Variants in TRPM7 observed in about 807,000 individuals in gnomAD.
The protein encoded by TRPM7 is transient receptor potential cation channel subfamily M member 7.
TRPM7 carries 134 observed loss-of-function variants against 229.7 expected under a neutral mutation model. That is an observed-to-expected ratio of 0.58 (90% confidence interval 0.51 to 0.67). The LOEUF is 0.67. Among genes scored for constraint, TRPM7 ranks in the 30% least tolerant of loss-of-function variants. The probability of loss-of-function intolerance (pLI) is 0.00; values close to 1 mark genes in which losing one functional copy is unlikely to be tolerated. For missense variants in TRPM7, 1,901 were observed against 2,210.0 expected (o/e 0.86, Z 2.80); for synonymous variants, 699 against 715.2 (o/e 0.98, Z 0.36).
intron 13 of TRPM7, among the ~76,000 whole-genome samples, chr15:50,617,775 C>G (rs2060269223): frequency 6.6e-6 from 1 of 151,788 alleles, no homozygotes; most frequent in Non-Finnish European, 1.5e-5. Context: ...GCCCCCCACA[C>G]CCCCACCAAT....
chr15:50,680,581 A>C lies in TRPM7; in HGVS notation c.3+5950T>G, dbSNP rs561044605. Among the ~76,000 whole-genome samples, 157 of 152,080 alleles carry C rather than the reference A, an allele frequency of 1.0e-3. 1 individual carries two copies. Among genetic ancestry groups the C allele is most frequent in the Non-Finnish European group, 1.6e-3 (107 of 67,992 alleles). The stretch of plus-strand genomic sequence containing the variant: ...GAGACACTTGTCTCAAAAAAAAAAA[A>C]ACAAAAACCAGACAACTGAGTTGTA... On this transcript the variant is annotated intron_variant, in intron 1 of 38. Coordinates refer to ENST00000646667, the MANE Select transcript of TRPM7 (RefSeq NM_017672.6).
rs187048286 is a variant in TRPM7, at chr15:50,568,882, C to T, written c.5467+1005G>A. On this transcript the variant is annotated intron_variant, in intron 38 of 38. Transcript: ENST00000646667. ...CCTGTAGTCCCAGCTACTTGGGAGG[C>T]TGAGGTGGGAGGATCACTTGAGCCT... is the stretch of plus-strand genomic sequence containing the variant. Among the ~76,000 whole-genome samples, 1,122 of 151,888 alleles carry T rather than the reference C, an allele frequency of 7.4e-3. 15 individuals carry two copies. The highest frequency in any genetic ancestry group is 0.026 in the African/African-American group (1,060 of 41,440).
At chr15:50,567,118 T>G (rs1336683459) in intron 38 of TRPM7, among the ~76,000 whole-genome samples, 1 of 152,046 alleles carries the variant, frequency 6.6e-6, no homozygotes, top group Non-Finnish European at 1.5e-5. Flanking sequence ...TAATCAACAG[T>G]CCTATCTCTA....
intron 1 of TRPM7, among the ~76,000 whole-genome samples, chr15:50,677,592 A>T (rs1420486538): frequency 6.6e-6 from 1 of 151,976 alleles, no homozygotes; most frequent in South Asian, 2.1e-4. Context: ...CACAAAAATT[A>T]GCCGGGTGTG....
intron 3 of TRPM7, among the ~76,000 whole-genome samples, chr15:50,650,419 G>C (rs946676834): frequency 4.6e-5 from 7 of 151,950 alleles, no homozygotes; most frequent in African/African-American, 1.7e-4. Context: ...GACAGACCAG[G>C]CACGGTGGCT....
chr15:50,649,596 G>A (rs1047689455), intron 3 of TRPM7, among the ~76,000 whole-genome samples: 3 of 152,198 alleles, frequency 2.0e-5, no homozygotes, highest in East Asian at 1.9e-4. Context: ...ATGATTCCAC[G>A]TATACAAAAT....
chr15:50,575,590 T>C (rs1473104923), intron 33 of TRPM7, 134 bp downstream of exon 33: 5 of 755,248 alleles, frequency 6.6e-6, no homozygotes, highest in African/African-American at 5.3e-5. Flanking sequence ...CTCACCCTTG[T>C]GGTAGTCAGA....
chr15:50,560,583 C>T lies in TRPM7; in HGVS notation c.*1095G>A, dbSNP rs2053273098. On this transcript the variant is annotated 3_prime_UTR_variant, in exon 39 of 39. Coordinates refer to ENST00000646667, the MANE Select transcript of TRPM7 (RefSeq NM_017672.6). ...TAAAGCATAAAACTTAGATGAAAAG[C>T]TTTTCTTGTTATTGTTGAATATTCA... The T allele has an allele frequency of 6.6e-6, 1 of 152,070 alleles. No individual in the cohort carries two copies. The highest frequency in any genetic ancestry group is 2.1e-4 in the South Asian group (1 of 4,796). The allele number at this position is 152,070 out of a possible 1,614,324, so 9.4% of individuals were successfully genotyped here. A position where few individuals can be genotyped will look rare whatever the true frequency, so the allele number is the denominator to read the frequency against.
At chr15:50,577,819 C>T (rs2054208519) in intron 31 of TRPM7, among the ~76,000 whole-genome samples, 1 of 151,956 alleles carries the variant, frequency 6.6e-6, no homozygotes, top group Non-Finnish European at 1.5e-5. Context: ...AAATGACCAC[C>T]AAATAGCAGA....
Position 50,604,854 on chromosome 15 carries a change from C to T in TRPM7, c.2988+12G>A, listed in dbSNP as rs756758024. ...TAAACCCACGAGTATTATCAAACAT[C>T]TGTCAACTTACCATTTTTCCAATCA... is the stretch of plus-strand genomic sequence containing the variant. On this transcript the variant is annotated intron_variant, in intron 21 of 38. Transcript: ENST00000646667. 6.5e-7 allele frequency: 1 copy of T among 1,550,218 alleles called. No homozygotes were observed. The highest frequency in any genetic ancestry group is 8.7e-7 in the Non-Finnish European group (1 of 1,149,070).
intron 12 of TRPM7, among the ~76,000 whole-genome samples, chr15:50,623,744 G>C (rs2060483082): frequency 1.3e-5 from 2 of 151,168 alleles, no homozygotes; most frequent in Admixed American, 6.6e-5. Context: ...AATGAAAACA[G>C]TATGTAAGCT....
At chr15:50,631,633 C>T (rs2060736280) in intron 9 of TRPM7, 144 bp from the exon 10 acceptor site, 1 of 436,124 alleles carries the variant, frequency 2.3e-6, no homozygotes, top group South Asian at 7.7e-5. Context: ...TATAAACATA[C>T]ATACACATAA....
intron 38 of TRPM7, 40 bp downstream of exon 38, chr15:50,569,847 G>T (rs139150271): frequency 7.2e-7 from 1 of 1,385,224 alleles, no homozygotes; most frequent in East Asian, 2.3e-5. Flanking sequence ...ACCAAGTTTC[G>T]TAACAATTTA....
chr15:50,657,004 A>T (rs771241829), intron 3 of TRPM7, among the ~76,000 whole-genome samples: 6 of 152,088 alleles, frequency 3.9e-5, no homozygotes, highest in Non-Finnish European at 8.8e-5. Context: ...TTCCAATCCA[A>T]TCTAAAAATG....
At chr15:50,660,236 G>C (rs756007182) in intron 2 of TRPM7, among the ~76,000 whole-genome samples, 9 of 151,964 alleles carry the variant, frequency 5.9e-5, no homozygotes, top group Non-Finnish European at 1.0e-4. Flanking sequence ...CTATTTTAAT[G>C]ATCCAAAAAG....
chr15:50,595,243 A>T (rs2059602620), intron 23 of TRPM7, among the ~76,000 whole-genome samples: 1 of 148,616 alleles, frequency 6.7e-6, no homozygotes, highest in Admixed American at 6.8e-5. Flanking sequence ...GGCAACCATT[A>T]AAAAAAAAAT....
At chr15:50,629,830 A>G (rs1017863652) in intron 10 of TRPM7, among the ~76,000 whole-genome samples, 1 of 150,562 alleles carries the variant, frequency 6.6e-6, no homozygotes, top group Non-Finnish European at 1.5e-5. Flanking sequence ...ATGGTAAATA[A>G]TTCATGAATA....
chr15:50,587,407 T>C, intron 27 of TRPM7, among the ~76,000 whole-genome samples: 1 of 113,932 alleles, frequency 8.8e-6, no homozygotes, highest in East Asian at 2.3e-4. Context: ...AAATACTGCT[T>C]TTTTTTTTTT....
chr15:50,618,499 G>T (rs2060292723), intron 13 of TRPM7, among the ~76,000 whole-genome samples: 1 of 152,000 alleles, frequency 6.6e-6, no homozygotes, highest in South Asian at 2.1e-4. Context: ...GAACCTGGGA[G>T]GTGGAGCTTG....
Sources: allele counts gnomAD v4.1 joint callset (sites outside exome capture counted in the v4.1 genomes callset), GRCh38; gene constraint gnomAD v4.1.1; transcripts MANE v1.5; gene names NCBI Gene and HGNC (gene_info 2026-07-23, HGNC 2026-07-21).